The following RTN3 variants were observed in gnomAD, a reference collection of about 807,000 sequenced individuals.
RTN3 encodes the protein reticulon-3.
Under a neutral mutation model 77.8 loss-of-function variants are expected in RTN3, and 49 were observed. That is an observed-to-expected ratio of 0.63 (90% CI 0.50 to 0.80). RTN3 has a LOEUF of 0.80. Ranked by LOEUF, RTN3 falls within the 30% of genes least tolerant of loss-of-function variation. The pLI is 0.00. For synonymous variants in RTN3, 464 were observed against 446.9 expected (o/e 1.04, Z -0.48); for missense variants, 1,236 against 1,211.9 (o/e 1.02, Z -0.29).
chr11:63,730,844 A>G (rs2012639776), intron 3 of RTN3, among the ~76,000 whole-genome samples: 1 of 152,082 alleles, frequency 6.6e-6, no homozygotes, highest in African/African-American at 2.4e-5. Context: ...AAGGAGATAT[A>G]TTGGCAATCT....
Position 63,715,819 on chromosome 11 carries a change from A to G in RTN3, c.200-2883A>G, listed in dbSNP as rs1238589539. On this transcript the variant is annotated intron_variant, in intron 2 of 8. Coordinates refer to ENST00000377819, the MANE Select transcript of RTN3 (RefSeq NM_001265589.2). ...ATGTTTTGTGGTAGAAACACTGACTAGTAAGTTCAGTAACAATGCATGGCT... is the reference window on the plus strand; with the variant it reads ...ATGTTTTGTGGTAGAAACACTGACTGGTAAGTTCAGTAACAATGCATGGCT... Among the ~76,000 whole-genome samples the G allele has an allele frequency of 1.1e-4, 16 of 152,338 alleles. 2 individuals are homozygous for G. In the South Asian group the frequency reaches 3.3e-3, roughly 32 times the overall value.
intron 1 of RTN3, among the ~76,000 whole-genome samples, chr11:63,686,839 G>GAAAAGAAAAGGAA (rs926432013): frequency 1.3e-5 from 2 of 151,866 alleles, no homozygotes; most frequent in African/African-American, 4.8e-5. Context: ...TTAAAAAAAA[G>GAAAAGAAAAGGAA]AAAAGAAAAG....
chr11:63,743,726 C>T (rs557933588), intron 3 of RTN3, among the ~76,000 whole-genome samples: 25 of 151,934 alleles, frequency 1.6e-4, no homozygotes, highest in Non-Finnish European at 4.4e-5. Context: ...ACCAGCCTGG[C>T]CAACATGGTG....
chr11:63,750,115 T>C lies in RTN3; in HGVS notation c.2655T>C (p.Ala885=). 1 of 1,613,062 alleles carries C rather than the reference T, an allele frequency of 6.2e-7. No individual in the cohort carries two copies. The highest frequency in any genetic ancestry group is 8.5e-7 in the Non-Finnish European group (1 of 1,179,458). Residue 885 remains alanine (A), a synonymous_variant, in exon 4 of 9, where the codon GCT becomes GCC. Coordinates refer to ENST00000377819, the MANE Select transcript of RTN3 (RefSeq NM_001265589.2). The stretch of plus-strand genomic sequence containing the variant: ...GTGTGGTTTCTTACCTCATCCTGGC[T>C]CTTCTCTCTGTCACCATCAGCTTCA... ...VISVVSYLIL[A]LLSVTISFRI...
chr11:63,757,542 G>A (rs2014441619), intron 8 of RTN3, among the ~76,000 whole-genome samples: 1 of 151,644 alleles, frequency 6.6e-6, no homozygotes, highest in Non-Finnish European at 1.5e-5. Context: ...ATTTTTTATA[G>A]AGATGGGGGT....
intron 1 of RTN3, among the ~76,000 whole-genome samples, chr11:63,682,604 GCTA>G (rs1326524934): frequency 1.3e-5 from 2 of 150,574 alleles, no homozygotes; most frequent in African/African-American, 2.4e-5. Flanking sequence ...TTTTCTGTGG[GCTA>G]CTATTGATCG....
At chr11:63,736,389 A>G in intron 3 of RTN3, among the ~76,000 whole-genome samples, 1 of 152,180 alleles carries the variant, frequency 6.6e-6, no homozygotes, top group East Asian at 1.9e-4. Flanking sequence ...AGAAAAAACA[A>G]TAAAAAATAA....
At chr11:63,743,830 T>C (rs1476224111) in intron 3 of RTN3, among the ~76,000 whole-genome samples, 2 of 151,860 alleles carry the variant, frequency 1.3e-5, no homozygotes, top group African/African-American at 4.8e-5. Context: ...GCAGGAGAAT[T>C]GCTTGAACCC....
intron 3 of RTN3, among the ~76,000 whole-genome samples, chr11:63,728,383 C>T (rs1462307783): frequency 6.6e-6 from 1 of 152,120 alleles, no homozygotes; most frequent in African/African-American, 2.4e-5. Flanking sequence ...TGGCCTAAGA[C>T]CTCAGGCATG....
chr11:63,721,588 AAAAG>A (rs1459413664), intron 3 of RTN3, among the ~76,000 whole-genome samples: 1 of 151,876 alleles, frequency 6.6e-6, no homozygotes, highest in African/African-American at 2.4e-5. Context: ...AAAAAAAAAA[AAAAG>A]AAAATTTTTT....
rs773931615 is a variant in RTN3, at chr11:63,749,966, C to G, written c.2531-25C>G. On this transcript the variant is annotated intron_variant, in intron 3 of 8. Coordinates refer to ENST00000377819, the MANE Select transcript of RTN3 (RefSeq NM_001265589.2). Reference sequence around the variant, plus strand: ...TAGTAGCTGTGGATGTTTCTTATAACTTATATTCCCTTTTCTTTTGTCAGT... The same window carrying G: ...TAGTAGCTGTGGATGTTTCTTATAAGTTATATTCCCTTTTCTTTTGTCAGT... 4.4e-5 allele frequency: 69 copies of G among 1,567,736 alleles called. No individual in the cohort carries two copies. The South Asian group carries it at 7.7e-4, about 18-fold the overall frequency.
At position 63,681,694 on chromosome 11, in the gene RTN3, G is replaced by C. The variant is rs1245953000; in HGVS notation, c.58G>C (p.Ala20Pro). 8.7e-6 allele frequency: 14 copies of C among 1,611,390 alleles called. No homozygotes were observed. The Admixed American group carries it at 2.3e-4, about 27-fold the overall frequency. The part of the protein sequence containing the change: ...SHSISSSSFG[A>P]EPSAPGGGGS... The stretch of plus-strand genomic sequence containing the variant: ...TTCCATCTCCTCGTCGTCCTTCGGA[G>C]CCGAGCCGTCCGCGCCCGGCGGCGG... The change falls in exon 1 of 9, where the codon GCC (alanine) becomes CCC (proline). Residue 20 changes from alanine (A) to proline (P), a missense_variant. By Grantham distance (27) the Ala-to-Pro change is conservative. This residue lies in a region of RTN3 where 1,056 missense variants were observed against 990.4 expected (regional missense o/e 1.07). Coordinates refer to ENST00000377819, the MANE Select transcript of RTN3 (RefSeq NM_001265589.2).
rs946451831 is a variant in RTN3, at chr11:63,759,426, G to A, written c.*1225G>A. ...AGTACGGCAGCTGCAAAAAGTAGTG[G>A]AAGGAAATTGTCTACGTGTCTTGGA... On this transcript the variant is annotated 3_prime_UTR_variant, in exon 9 of 9. Transcript: ENST00000377819. 17 of 152,652 alleles carry A rather than the reference G, an allele frequency of 1.1e-4. No individual in the cohort carries two copies. The highest frequency in any genetic ancestry group is 2.2e-4 in the Non-Finnish European group (15 of 68,038). The allele number at this position is 152,652 out of a possible 1,614,324, so 9.5% of individuals were successfully genotyped here.
At chr11:63,691,664 T>C (rs1031615955) in intron 1 of RTN3, among the ~76,000 whole-genome samples, 4 of 152,202 alleles carry the variant, frequency 2.6e-5, no homozygotes, top group Admixed American at 2.0e-4. Flanking sequence ...GAGTTATCCT[T>C]GATTCCTTTC....
intron 3 of RTN3, among the ~76,000 whole-genome samples, chr11:63,730,580 G>C (rs553477443): frequency 1.9e-4 from 29 of 152,294 alleles, no homozygotes; most frequent in Admixed American, 1.8e-3. Context: ...AGACTAGTTT[G>C]AGACCAGCCT....
At chr11:63,686,740 G>A (rs1941395724) in intron 1 of RTN3, among the ~76,000 whole-genome samples, 1 of 152,030 alleles carries the variant, frequency 6.6e-6, no homozygotes, top group Non-Finnish European at 1.5e-5. Context: ...GACTGAGGTA[G>A]GAGGATGGCT....
At chr11:63,688,121 G>A (rs565676132) in intron 1 of RTN3, among the ~76,000 whole-genome samples, 20 of 152,158 alleles carry the variant, frequency 1.3e-4, no homozygotes, top group African/African-American at 4.6e-4. Flanking sequence ...CAGCACAGAG[G>A]CAAGCATACA....
intron 3 of RTN3, among the ~76,000 whole-genome samples, chr11:63,723,748 G>C (rs373417435): frequency 1.3e-5 from 2 of 152,060 alleles, no homozygotes; most frequent in Non-Finnish European, 2.9e-5. Flanking sequence ...TTTTAAATAC[G>C]TGTATCTGCA....
chr11:63,687,463 A>G (rs1565297695), intron 1 of RTN3, among the ~76,000 whole-genome samples: 1 of 150,274 alleles, frequency 6.7e-6, no homozygotes, highest in South Asian at 2.1e-4. Flanking sequence ...TTAAAGATAC[A>G]AAAAATTAGC....
Sources: gnomAD v4.1 joint callset for allele counts (sites outside exome capture counted in the v4.1 genomes callset) on GRCh38, gnomAD v4.1.1 for gene constraint, gnomAD v4.1.1 regional missense constraint, MANE v1.5 for transcripts, NCBI Gene and HGNC (gene_info 2026-07-23, HGNC 2026-07-21) for gene names.